Variants in LPIN1 observed in about 807,000 individuals in gnomAD.
LPIN1 encodes lipin 1.
Under a neutral mutation model 107.5 loss-of-function variants are expected in LPIN1, and 71 were observed. The ratio of observed to expected loss-of-function variants is 0.66; its 90% confidence interval spans 0.55 to 0.80. The LOEUF (loss-of-function observed/expected upper bound fraction) is 0.80, where lower values mean the gene tolerates loss of function less well. LPIN1 is among the 30% of genes least tolerant of loss of function. LPIN1 has a pLI of 0.00. For synonymous variants in LPIN1, 445 were observed against 452.6 expected, an observed-to-expected ratio of 0.98 and a Z score of 0.21; for missense variants, 1,043 against 1,160.6, an observed-to-expected ratio of 0.90 and a Z score of 1.47.
At chr2:11,687,217 T>C (rs549002042) in intron 1 of LPIN1, among the ~76,000 whole-genome samples, 1 of 152,186 alleles carries the variant, frequency 6.6e-6, no homozygotes, top group East Asian at 1.9e-4. Context: ...AGGCTGGTCT[T>C]GAACTACCGT....
chr2:11,705,634 G>C (rs1663087968), intron 1 of LPIN1, among the ~76,000 whole-genome samples: 1 of 152,166 alleles, frequency 6.6e-6, no homozygotes, highest in Admixed American at 6.5e-5. Context: ...AAGGCTGTGG[G>C]GCTGGATGTA....
rs757023465 is a variant in LPIN1, at chr2:11,782,303, T to G, written c.1060T>G (p.Phe354Val). The change falls in exon 8 of 21, where the codon TTT (phenylalanine) becomes GTT (valine). Residue 354 changes from phenylalanine to valine, a missense_variant. By Grantham distance (50) the Phe-to-Val change is conservative. Coordinates refer to ENST00000674199, the MANE Select transcript of LPIN1 (RefSeq NM_001349206.2). ...QAIHSESSDT[F>V]SDQSPTLVGG... ...CATTCACAGCGAATCTTCAGACACT[T>G]TTAGTGACCAATCGCCAACTCTGGT... 1.2e-6 allele frequency: 2 copies of G among 1,614,154 alleles called. No homozygotes were observed. The highest frequency in any genetic ancestry group is 1.7e-6 in the Non-Finnish European group (2 of 1,180,014).
At chr2:11,791,491 T>C (rs1051409066) in intron 12 of LPIN1, among the ~76,000 whole-genome samples, 1 of 152,250 alleles carries the variant, frequency 6.6e-6, no homozygotes, top group African/African-American at 2.4e-5. Flanking sequence ...TACCTTTTGT[T>C]GAAAACTGTT....
intron 1 of LPIN1, among the ~76,000 whole-genome samples, chr2:11,738,867 GGAAACC>G (rs1666053859): frequency 1.3e-5 from 2 of 152,220 alleles, no homozygotes; most frequent in Admixed American, 6.5e-5. Context: ...ATGAATGTGA[GGAAACC>G]ACCAAGGAAG....
intron 17 of LPIN1, among the ~76,000 whole-genome samples, chr2:11,808,466 T>C (rs1036867440): frequency 2.6e-5 from 4 of 152,214 alleles, no homozygotes; most frequent in African/African-American, 9.6e-5. Context: ...CATGCTAGGG[T>C]ACCAGGGAAA....
At chr2:11,795,983 C>T (rs544206446) in intron 14 of LPIN1, among the ~76,000 whole-genome samples, 6 of 152,066 alleles carry the variant, frequency 3.9e-5, no homozygotes, top group Non-Finnish European at 8.8e-5. Context: ...GATACTGATC[C>T]GTATTTGTGG....
intron 1 of LPIN1, among the ~76,000 whole-genome samples, chr2:11,740,103 T>C (rs898547665): frequency 6.6e-6 from 1 of 152,208 alleles, no homozygotes; most frequent in African/African-American, 2.4e-5. Context: ...GTGCAGGTCC[T>C]GGAGTCCGAC....
chr2:11,817,144 A>T (rs72493341), intron 18 of LPIN1: 1 of 151,998 alleles, frequency 6.6e-6, no homozygotes, highest in Admixed American at 6.6e-5. Flanking sequence ...TATGTGCCAC[A>T]TTTTCCTTAT....
intron 1 of LPIN1, among the ~76,000 whole-genome samples, chr2:11,725,854 A>C (rs1024808287): frequency 1.3e-5 from 2 of 152,198 alleles, no homozygotes; most frequent in Admixed American, 6.5e-5. Flanking sequence ...TTATGGATGA[A>C]TGTGGAAACA....
At chr2:11,777,782 T>C (rs1672909218) in intron 6 of LPIN1, among the ~76,000 whole-genome samples, 1 of 152,242 alleles carries the variant, frequency 6.6e-6, no homozygotes, top group Non-Finnish European at 1.5e-5. Flanking sequence ...AGTGAGATAA[T>C]TTATTGCTGC....
chr2:11,757,370 A>G (rs1336137342), intron 1 of LPIN1, among the ~76,000 whole-genome samples: 1 of 152,164 alleles, frequency 6.6e-6, no homozygotes, highest in Non-Finnish European at 1.5e-5. Flanking sequence ...CAGTCATGAG[A>G]TTAATGGGCA....
At chr2:11,681,763 G>A (rs1405525100) in intron 1 of LPIN1, among the ~76,000 whole-genome samples, 1 of 152,172 alleles carries the variant, frequency 6.6e-6, no homozygotes, top group Non-Finnish European at 1.5e-5. Flanking sequence ...TCCAGTCCAT[G>A]TAGGCTTGGG....
At chr2:11,687,225 C>CTG (rs1662055373) in intron 1 of LPIN1, among the ~76,000 whole-genome samples, 1 of 151,712 alleles carries the variant, frequency 6.6e-6, no homozygotes, top group Admixed American at 6.6e-5. Flanking sequence ...CTTGAACTAC[C>CTG]GTCTTCAAGT....
At chr2:11,753,696 G>A (rs991835429) in intron 1 of LPIN1, among the ~76,000 whole-genome samples, 9 of 152,286 alleles carry the variant, frequency 5.9e-5, no homozygotes, top group South Asian at 2.1e-4. Flanking sequence ...ATCAACCGCC[G>A]TTAAGTATCA....
At chr2:11,822,390 C>T (rs542674721) in intron 20 of LPIN1, among the ~76,000 whole-genome samples, 1 of 150,748 alleles carries the variant, frequency 6.6e-6, no homozygotes, top group East Asian at 2.0e-4. Flanking sequence ...ACGGAGGTTG[C>T]AGTGAGCCAA....
chr2:11,794,197 A>G (rs1490431326), intron 13 of LPIN1, among the ~76,000 whole-genome samples: 3 of 152,200 alleles, frequency 2.0e-5, no homozygotes, highest in Non-Finnish European at 2.9e-5. Context: ...AGAGGCCTTA[A>G]AGCATGAAGG....
At chr2:11,824,544 G>C in intron 20 of LPIN1, 88 bp from the exon 21 acceptor site, 2 of 1,347,052 alleles carry the variant, frequency 1.5e-6, no homozygotes, top group Non-Finnish European at 1.1e-6. Flanking sequence ...GCTCCTTGAG[G>C]TTGTAGATCT....
intron 1 of LPIN1, among the ~76,000 whole-genome samples, chr2:11,761,699 G>C (rs1006222092): frequency 1.3e-5 from 2 of 152,110 alleles, no homozygotes; most frequent in Non-Finnish European, 2.9e-5. Context: ...TTGCAAATGG[G>C]TGTGCTGATC....
chr2:11,769,563 C>A (rs1671521930), intron 3 of LPIN1, among the ~76,000 whole-genome samples: 1 of 152,008 alleles, frequency 6.6e-6, no homozygotes, highest in Admixed American at 6.5e-5. Context: ...CTTTGCAGCA[C>A]AATAGTTTTT....
Sources: allele counts gnomAD v4.1 joint callset (sites outside exome capture counted in the v4.1 genomes callset), GRCh38; gene constraint gnomAD v4.1.1; transcripts MANE v1.5; gene names NCBI Gene and HGNC (gene_info 2026-07-23, HGNC 2026-07-21).